Variants in PRKN observed in about 807,000 individuals in gnomAD.
The protein encoded by PRKN is E3 ubiquitin-protein ligase parkin.
In PRKN, 56 loss-of-function variants were observed where a neutral mutation model predicts 59.5. The observed-to-expected ratio is 0.94, with a 90% confidence interval of 0.76 to 1.18. The LOEUF (loss-of-function observed/expected upper bound fraction) is 1.18, where lower values mean the gene tolerates loss of function less well. PRKN is among the 50% of genes most tolerant of loss of function. PRKN has a pLI of 0.00. For synonymous variants in PRKN, 250 were observed against 222.1 expected, an observed-to-expected ratio of 1.13 and a Z score of -1.12; for missense variants, 657 against 596.4, an observed-to-expected ratio of 1.10 and a Z score of -1.06.
At chr6:162,701,766 G>A (rs1306541110) in intron 1 of PRKN, among the ~76,000 whole-genome samples, 2 of 150,694 alleles carry the variant, frequency 1.3e-5, no homozygotes, top group Admixed American at 6.6e-5. Context: ...TAATCTTTCA[G>A]TATTAGCAAA....
In PRKN at chr6:161,451,480, C is replaced by T. The variant is rs542708256; in HGVS notation, c.1084-64603G>A. Among the ~76,000 whole-genome samples the T allele has an allele frequency of 2.6e-5, 4 of 152,154 alleles. No individual in the cohort carries two copies. The highest frequency in any genetic ancestry group is 2.6e-4 in the Admixed American group (4 of 15,288). ...AACAGACTCCATCAACAGGAGGCAACGCAGCCTCAGGATACCACCTGCCCA... is the reference window on the plus strand; with the variant it reads ...AACAGACTCCATCAACAGGAGGCAATGCAGCCTCAGGATACCACCTGCCCA... On this transcript the variant is annotated intron_variant, in intron 9 of 11. Transcript: ENST00000366898. The surrounding 1 kb of genome is among the most constrained non-coding windows in gnomAD (Gnocchi z 5.9).
chr6:162,602,563 G>A (rs560783602), intron 1 of PRKN, among the ~76,000 whole-genome samples: 3 of 152,288 alleles, frequency 2.0e-5, no homozygotes, highest in Non-Finnish European at 2.9e-5. Flanking sequence ...GACACAGAGC[G>A]GTGTGGGACA....
intron 1 of PRKN, among the ~76,000 whole-genome samples, chr6:162,679,104 T>G (rs552270811): frequency 9.1e-4 from 137 of 150,588 alleles, no homozygotes; most frequent in African/African-American, 3.3e-3. Flanking sequence ...ATTTATTTAT[T>G]TATTTATGAA....
At chr6:162,036,024 G>C (rs68137025) in intron 5 of PRKN, among the ~76,000 whole-genome samples, 27,464 of 152,000 alleles carry the variant, frequency 0.18, 3,530 homozygotes, top group African/African-American at 0.36. Flanking sequence ...AAGACATAAC[G>C]CCATAAAGAA....
chr6:161,857,443 G>A (rs1583255361), intron 6 of PRKN, among the ~76,000 whole-genome samples: 1 of 152,166 alleles, frequency 6.6e-6, no homozygotes, highest in East Asian at 1.9e-4. Flanking sequence ...TAGATGCAGT[G>A]CACCCACTGA....
rs1173439256 is a variant in PRKN, at chr6:161,535,661, G to A, written c.1083+13193C>T. On this transcript the variant is annotated intron_variant, in intron 9 of 11. Transcript: ENST00000366898. ...TGTCGGAATACGAGTACGATGTTGT[G>A]TGCTACTTCCAGATTTGACCTTTAA... Among the ~76,000 whole-genome samples, 4 of 152,220 alleles carry A rather than the reference G, an allele frequency of 2.6e-5. No individual in the cohort carries two copies. In the South Asian group the frequency reaches 6.2e-4, roughly 24 times the overall value.
intron 2 of PRKN, among the ~76,000 whole-genome samples, chr6:162,430,016 A>G (rs1789432252): frequency 1.3e-5 from 2 of 152,092 alleles, no homozygotes; most frequent in South Asian, 4.2e-4. Flanking sequence ...TGCATAAAAT[A>G]TTCCTTCCTT....
In PRKN at chr6:161,480,896, A is replaced by G. The variant is rs1327912978; in HGVS notation, c.1083+67958T>C. Among the ~76,000 whole-genome samples the G allele has an allele frequency of 1.3e-5, 2 of 152,224 alleles. No homozygotes were observed. Among genetic ancestry groups the G allele is most frequent in the African/African-American group, 4.8e-5 (2 of 41,454 alleles). On this transcript the variant is annotated intron_variant, in intron 9 of 11. Coordinates refer to ENST00000366898, the MANE Select transcript of PRKN (RefSeq NM_004562.3). This position sits in a 1 kb window ranked among gnomAD's most constrained non-coding sequence, Gnocchi z 4.1. ...TTCATAAGCAGTGTGCTAACAACCC[A>G]TTGGTAACTGGAAAGGAAAGCTGAT...
At position 161,440,216 on chromosome 6, in the gene PRKN, G is replaced by A. The variant is rs1347304286; in HGVS notation, c.1084-53339C>T. Among the ~76,000 whole-genome samples the A allele has an allele frequency of 6.6e-6, 1 of 152,242 alleles. No homozygotes were observed. Among genetic ancestry groups the A allele is most frequent in the East Asian group, 1.9e-4 (1 of 5,164 alleles). ...GATCCGCCCGTCTCGGCCTCCCAAA[G>A]TGCTGGGATTACAGGTGTGAGACAC... On this transcript the variant is annotated intron_variant, in intron 9 of 11. Coordinates refer to ENST00000366898, the MANE Select transcript of PRKN (RefSeq NM_004562.3). The surrounding 1 kb of genome is among the most constrained non-coding windows in gnomAD (Gnocchi z 4.1).
chr6:161,409,625 AG>A lies in PRKN; in HGVS notation c.1084-22749del, dbSNP rs1224371503. ...ATAAGGCCGTCACTATAAAAATGAA[AG>A]CAAGCCCAACCTTGGTGTGATGTTT... is the stretch of plus-strand genomic sequence containing the variant. On this transcript the variant is annotated intron_variant, in intron 9 of 11. Transcript: ENST00000366898. The surrounding 1 kb of genome is among the most constrained non-coding windows in gnomAD (Gnocchi z 4.6). Among the ~76,000 whole-genome samples the A allele has an allele frequency of 1.3e-5, 2 of 152,196 alleles. No individual in the cohort carries two copies. Among genetic ancestry groups the A allele is most frequent in the Non-Finnish European group, 2.9e-5 (2 of 68,038 alleles).
intron 1 of PRKN, among the ~76,000 whole-genome samples, chr6:162,674,924 G>A (rs1037778749): frequency 6.6e-6 from 1 of 152,146 alleles, no homozygotes; most frequent in African/African-American, 2.4e-5. Flanking sequence ...AGTCAAAAAC[G>A]ATTTCATGGT....
chr6:162,053,213 T>C (rs1473161660), intron 5 of PRKN, among the ~76,000 whole-genome samples: 2 of 152,174 alleles, frequency 1.3e-5, no homozygotes, highest in Non-Finnish European at 2.9e-5. Context: ...GCCAGCAGAT[T>C]GGCAAGAGAA....
At position 161,371,699 on chromosome 6, in the gene PRKN, C is replaced by T. The variant is rs545152238; in HGVS notation, c.1168-11494G>A. Reference sequence around the variant, plus strand: ...TGTCACCTAGGCTGGAGTGCAATGACACAATCTCGGCTCACTACAACCTCC... The same window carrying T: ...TGTCACCTAGGCTGGAGTGCAATGATACAATCTCGGCTCACTACAACCTCC... On this transcript the variant is annotated intron_variant, in intron 10 of 11. Transcript: ENST00000366898. The surrounding 1 kb of genome is among the most constrained non-coding windows in gnomAD (Gnocchi z 5.5). Among the ~76,000 whole-genome samples the T allele has an allele frequency of 6.6e-6, 1 of 151,902 alleles. No homozygotes were observed. Among genetic ancestry groups the T allele is most frequent in the East Asian group, 2.0e-4 (1 of 5,114 alleles).
At chr6:162,329,706 C>T (rs1183478290) in intron 2 of PRKN, among the ~76,000 whole-genome samples, 1 of 151,498 alleles carries the variant, frequency 6.6e-6, no homozygotes, top group Non-Finnish European at 1.5e-5. Flanking sequence ...CTCTAAATTT[C>T]AAAGGAAGCC....
In PRKN at chr6:161,588,133, C is replaced by A. The variant is rs1406973861; in HGVS notation, c.872-18717G>T. On this transcript the variant is annotated intron_variant, in intron 7 of 11. Transcript: ENST00000366898. This position sits in a 1 kb window ranked among gnomAD's most constrained non-coding sequence, Gnocchi z 5.0. ...GGGCGCGGTGGCTCATGCCTGTAATCCCAGCACTTTGGGAGGCCGAGTCGG... is the reference window on the plus strand; with the variant it reads ...GGGCGCGGTGGCTCATGCCTGTAATACCAGCACTTTGGGAGGCCGAGTCGG... Among the ~76,000 whole-genome samples the A allele has an allele frequency of 6.6e-6, 1 of 152,066 alleles. No individual in the cohort carries two copies. The highest frequency in any genetic ancestry group is 1.5e-5 in the Non-Finnish European group (1 of 68,008).
intron 7 of PRKN, among the ~76,000 whole-genome samples, chr6:161,604,937 A>C (rs1782225284): frequency 6.6e-6 from 1 of 152,168 alleles, no homozygotes; most frequent in Non-Finnish European, 1.5e-5. Context: ...CTGTCCCCAA[A>C]AAAGAGAGAA....
At chr6:161,746,127 C>A (rs1039195086) in intron 7 of PRKN, among the ~76,000 whole-genome samples, 1 of 152,208 alleles carries the variant, frequency 6.6e-6, no homozygotes, top group African/African-American at 2.4e-5. Flanking sequence ...ATCCCCCTTG[C>A]ACTAATGAAA....
At chr6:162,102,934 T>C in intron 4 of PRKN, among the ~76,000 whole-genome samples, 1 of 151,158 alleles carries the variant, frequency 6.6e-6, no homozygotes. Context: ...TCCCAGCTAC[T>C]TGGGAGGCTG....
At chr6:162,221,763 C>G (rs1231353770) in intron 3 of PRKN, among the ~76,000 whole-genome samples, 2 of 152,092 alleles carry the variant, frequency 1.3e-5, no homozygotes, top group African/African-American at 4.8e-5. Flanking sequence ...TCAATAAGTT[C>G]AGAAAAAGAT....
Sources: allele counts gnomAD v4.1 joint callset (sites outside exome capture counted in the v4.1 genomes callset), GRCh38; gene constraint gnomAD v4.1.1; non-coding constraint Gnocchi (gnomAD v3.1); transcripts MANE v1.5; gene names NCBI Gene and HGNC (gene_info 2026-07-23, HGNC 2026-07-21).